Variants in FMNL2 observed in about 807,000 individuals in gnomAD.
FMNL2 encodes the protein formin like 2.
In FMNL2, 51 loss-of-function variants were observed where a neutral mutation model predicts 130.2. The ratio of observed to expected loss-of-function variants is 0.39; its 90% CI spans 0.31 to 0.49. FMNL2 has a LOEUF of 0.49. Among genes scored for constraint, FMNL2 ranks in the 20% least tolerant of loss-of-function variants. The pLI is 0.85. For synonymous variants in FMNL2, 465 were observed against 467.1 expected, an observed-to-expected ratio of 1.00 and a Z score of 0.06; for missense variants, 977 against 1,316.2, an observed-to-expected ratio of 0.74 and a Z score of 3.99.
At chr2:152,579,011 C>A in intron 8 of FMNL2, 47 bp downstream of exon 8, 1 of 1,491,656 alleles carries the variant, frequency 6.7e-7, no homozygotes, top group Non-Finnish European at 9.3e-7. Context: ...CTAGAGAAAA[C>A]AGAGGGCTAG....
intron 25 of FMNL2, among the ~76,000 whole-genome samples, chr2:152,645,115 C>A (rs1471600659): frequency 6.6e-6 from 1 of 152,178 alleles, no homozygotes; most frequent in Non-Finnish European, 1.5e-5. Flanking sequence ...AGTGTACTTA[C>A]CCACCAGTGC....
In FMNL2 at chr2:152,581,063, T is replaced by C. The variant is rs373042009; in HGVS notation, c.876+14T>C. On this transcript the variant is annotated intron_variant, in intron 9 of 25. Transcript: ENST00000288670. ...AACTTTAAAGAGGTAGGCTACACTA[T>C]AGTTTTCATAAGAATACTCACACAT... 1.9e-5 allele frequency: 31 copies of C among 1,605,208 alleles called. No individual in the cohort carries two copies. Among genetic ancestry groups the C allele is most frequent in the Non-Finnish European group, 2.5e-5 (29 of 1,173,890 alleles).
chr2:152,527,110 A>G (rs1693431393), intron 2 of FMNL2, among the ~76,000 whole-genome samples: 1 of 152,174 alleles, frequency 6.6e-6, no homozygotes, highest in Non-Finnish European at 1.5e-5. Context: ...GCCCTCTTGT[A>G]GAAAGTTTTG....
intron 1 of FMNL2, among the ~76,000 whole-genome samples, chr2:152,397,024 C>A (rs1021884721): frequency 3.3e-5 from 5 of 152,128 alleles, no homozygotes. Context: ...GTGGCTCATC[C>A]AGAAGATGTT....
intron 6 of FMNL2, among the ~76,000 whole-genome samples, chr2:152,565,549 A>C (rs1363180966): frequency 6.6e-6 from 1 of 152,176 alleles, no homozygotes; most frequent in African/African-American, 2.4e-5. Context: ...GATCTTTTCA[A>C]AATAATTATA....
intron 1 of FMNL2, among the ~76,000 whole-genome samples, chr2:152,466,110 A>G (rs1689517566): frequency 6.6e-6 from 1 of 152,192 alleles, no homozygotes. Context: ...CTAACAGGCA[A>G]ATAAGGAGAC....
chr2:152,392,447 C>G (rs1490421741), intron 1 of FMNL2, among the ~76,000 whole-genome samples: 2 of 152,052 alleles, frequency 1.3e-5, no homozygotes, highest in African/African-American at 2.4e-5. Context: ...ATACTTGAGA[C>G]TGGGTAATTT....
chr2:152,642,554 C>A (rs1304268152), intron 25 of FMNL2, among the ~76,000 whole-genome samples: 1 of 152,184 alleles, frequency 6.6e-6, no homozygotes, highest in Non-Finnish European at 1.5e-5. Flanking sequence ...CAGATAAAAC[C>A]TTCATTGTAG....
At chr2:152,503,626 G>A (rs1392515888) in intron 1 of FMNL2, among the ~76,000 whole-genome samples, 1 of 152,094 alleles carries the variant, frequency 6.6e-6, no homozygotes, top group East Asian at 1.9e-4. Flanking sequence ...GGGGTGTGTT[G>A]GGGGCTGTGC....
At chr2:152,356,230 A>G (rs888638716) in intron 1 of FMNL2, among the ~76,000 whole-genome samples, 13 of 152,138 alleles carry the variant, frequency 8.5e-5, no homozygotes, top group Non-Finnish European at 1.6e-4. Flanking sequence ...GGTTCAAGCA[A>G]TTCTGTCTCA....
chr2:152,524,475 TA>T (rs1423896078), intron 2 of FMNL2, among the ~76,000 whole-genome samples: 1 of 152,162 alleles, frequency 6.6e-6, no homozygotes, highest in Non-Finnish European at 1.5e-5. Flanking sequence ...CAGTGAGGTG[TA>T]TCCCAGCGTA....
intron 1 of FMNL2, among the ~76,000 whole-genome samples, chr2:152,468,496 A>G (rs1202657709): frequency 2.0e-5 from 3 of 152,192 alleles, no homozygotes; most frequent in Non-Finnish European, 4.4e-5. Flanking sequence ...TCTAAACATA[A>G]GTGTATCTGC....
intron 2 of FMNL2, among the ~76,000 whole-genome samples, chr2:152,529,014 A>G (rs1693551257): frequency 6.6e-6 from 1 of 152,228 alleles, no homozygotes; most frequent in Admixed American, 6.5e-5. Context: ...AAAAAGGATG[A>G]GAAACGGAGA....
intron 1 of FMNL2, among the ~76,000 whole-genome samples, chr2:152,399,959 G>C (rs1685596434): frequency 6.6e-6 from 1 of 152,148 alleles, no homozygotes; most frequent in South Asian, 2.1e-4. Context: ...TGGGTCCTGG[G>C]GAAAGTGGTG....
At chr2:152,643,725 T>G in intron 25 of FMNL2, 5 of 985,484 alleles carry the variant, frequency 5.1e-6, no homozygotes, top group Non-Finnish European at 3.6e-6. Context: ...ATGTATGTAT[T>G]CACATTGCTG....
intron 1 of FMNL2, among the ~76,000 whole-genome samples, chr2:152,347,335 C>G (rs1009871137): frequency 6.6e-6 from 1 of 152,180 alleles, no homozygotes; most frequent in Non-Finnish European, 1.5e-5. Context: ...GAGGTTTCCA[C>G]CACTTCCTTT....
intron 1 of FMNL2, among the ~76,000 whole-genome samples, chr2:152,355,681 C>G (rs1665838958): frequency 1.3e-5 from 2 of 152,190 alleles, no homozygotes; most frequent in Admixed American, 1.3e-4. Context: ...TCCTTCTGTG[C>G]AAACAGACCC....
chr2:152,364,666 A>C lies in FMNL2; in HGVS notation c.117+28946A>C, dbSNP rs551154389. ...AAATTGTGCAACTGGCGATTAACTC[A>C]GATCTTGGAATTAGCCTGTGACTTT... On this transcript the variant is annotated intron_variant, in intron 1 of 25. Coordinates refer to ENST00000288670, the MANE Select transcript of FMNL2 (RefSeq NM_052905.4). Among the ~76,000 whole-genome samples, 4 of 152,336 alleles carry C rather than the reference A, an allele frequency of 2.6e-5. No homozygotes were observed. The East Asian group carries it at 7.7e-4, about 29-fold the overall frequency.
chr2:152,444,421 C>T (rs557132983), intron 1 of FMNL2, among the ~76,000 whole-genome samples: 39 of 152,300 alleles, frequency 2.6e-4, no homozygotes, highest in Admixed American at 7.8e-4. Flanking sequence ...AGGCCCCATT[C>T]GGGTTTGCCT....
Sources: allele counts gnomAD v4.1 joint callset (sites outside exome capture counted in the v4.1 genomes callset), GRCh38; gene constraint gnomAD v4.1.1; transcripts MANE v1.5; gene names NCBI Gene and HGNC (gene_info 2026-07-23, HGNC 2026-07-21).